ANXA8: variants seen among roughly 807,000 people sequenced by gnomAD.
The protein encoded by ANXA8 is VAC-beta.
ANXA8 carries 9 observed loss-of-function variants against 26.8 expected under a neutral mutation model. The ratio of observed to expected loss-of-function variants is 0.34; its 90% confidence interval spans 0.20 to 0.59. The LOEUF (loss-of-function observed/expected upper bound fraction) is 0.59, where lower values mean the gene tolerates loss of function less well. Among genes scored for constraint, ANXA8 ranks in the 20% least tolerant of loss-of-function variants. The pLI, the probability that ANXA8 is intolerant of heterozygous loss-of-function variation, is 0.84. For synonymous variants in ANXA8, 39 were observed against 94.8 expected (o/e 0.41, Z 3.42); for missense variants, 83 against 238.5 (o/e 0.35, Z 4.29).
chr10:47,468,922 G>C lies in ANXA8; in HGVS notation c.925-16C>G. ...TGGTGTCTTCCTGTGGGCAGGAGGC[G>C]CATAAGCGTGAGAAGGGGTTTGCTT... On this transcript the variant is annotated splice_polypyrimidine_tract_variant and intron_variant, in intron 11 of 11. Coordinates refer to ENST00000585281, the MANE Select transcript of ANXA8 (RefSeq NM_001040084.3). 1 of 1,609,808 alleles carries C rather than the reference G, an allele frequency of 6.2e-7. No homozygotes were observed. Among genetic ancestry groups the C allele is most frequent in the South Asian group, 1.1e-5 (1 of 90,426 alleles).
the ANXA8 span, among the ~76,000 whole-genome samples, chr10:47,735,080 G>A: frequency 2.0e-5 from 3 of 150,308 alleles, no homozygotes; most frequent in African/African-American, 7.4e-5. Context: ...AAAAACGCAT[G>A]TTCCTTGTTT....
the ANXA8 span, among the ~76,000 whole-genome samples, chr10:47,503,937 C>CAAAA: frequency 4.3e-4 from 10 of 23,436 alleles, no homozygotes; most frequent in Non-Finnish European, 4.7e-4. Context: ...GAGAGTCCAT[C>CAAAA]AAAAAAAAAA....
At chr10:47,552,446 T>G in the ANXA8 span, among the ~76,000 whole-genome samples, 2 of 151,994 alleles carry the variant, frequency 1.3e-5, no homozygotes, top group Non-Finnish European at 2.9e-5. Flanking sequence ...TAAATTTCAA[T>G]AAAAAATTTA....
chr10:47,738,872 GT>G, the ANXA8 span, among the ~76,000 whole-genome samples: 99 of 150,434 alleles, frequency 6.6e-4, no homozygotes, highest in African/African-American at 2.3e-3. Context: ...CCATCAGCCA[GT>G]TTTTTTGTTT....
chr10:47,672,414 C>T, the ANXA8 span, among the ~76,000 whole-genome samples: 1 of 151,882 alleles, frequency 6.6e-6, no homozygotes, highest in Admixed American at 6.6e-5. Flanking sequence ...TTCAAAACTT[C>T]TTATCTCCCA....
the ANXA8 span, among the ~76,000 whole-genome samples, chr10:47,662,806 CTA>C: frequency 1.1e-5 from 1 of 94,468 alleles, no homozygotes; most frequent in Non-Finnish European, 2.1e-5. Flanking sequence ...GTAGATATAA[CTA>C]ATTGTATTTA....
chr10:47,950,844 T>C, the ANXA8 span, among the ~76,000 whole-genome samples: 2 of 150,960 alleles, frequency 1.3e-5, no homozygotes, highest in African/African-American at 4.9e-5. Flanking sequence ...TTTATAACTT[T>C]AAATGATTTT....
At chr10:47,743,293 TAC>T in the ANXA8 span, among the ~76,000 whole-genome samples, 112 of 64,812 alleles carry the variant, frequency 1.7e-3, 1 homozygote, top group East Asian at 8.2e-3. Flanking sequence ...CATATATATA[TAC>T]ACATATATAT....
At chr10:47,534,738 T>C in the ANXA8 span, among the ~76,000 whole-genome samples, 3 of 94,862 alleles carry the variant, frequency 3.2e-5, 1 homozygote, top group Non-Finnish European at 6.1e-5. Flanking sequence ...CACAGCAACC[T>C]CCACCTCCCA....
chr10:47,721,591 G>A, the ANXA8 span, among the ~76,000 whole-genome samples: 351 of 131,936 alleles, frequency 2.7e-3, 21 homozygotes, highest in African/African-American at 9.4e-3. Flanking sequence ...GAGTGCACTG[G>A]TGCGATCTCA....
chr10:47,980,439 A>G, the ANXA8 span, among the ~76,000 whole-genome samples: 1 of 151,558 alleles, frequency 6.6e-6, no homozygotes, highest in East Asian at 1.9e-4. Flanking sequence ...AATAAATAAA[A>G]CGGAATAGAA....
At chr10:47,590,657 T>G in the ANXA8 span, among the ~76,000 whole-genome samples, 1 of 145,964 alleles carries the variant, frequency 6.9e-6, no homozygotes, top group Non-Finnish European at 1.5e-5. Flanking sequence ...TAGAGACCAC[T>G]CTAGTAACTG....
the ANXA8 span, among the ~76,000 whole-genome samples, chr10:47,644,358 C>T: frequency 2.6e-5 from 4 of 151,402 alleles, no homozygotes; most frequent in South Asian, 8.3e-4. Flanking sequence ...GGGAAAGAGG[C>T]TAAGATTTTA....
chr10:47,559,169 T>TTTTTTTTTTTTTTTTTTTTTG, the ANXA8 span, among the ~76,000 whole-genome samples: 1 of 138,158 alleles, frequency 7.2e-6, no homozygotes, highest in Non-Finnish European at 1.5e-5. Flanking sequence ...TTTTTTTTTT[T>TTTTTTTTTTTTTTTTTTTTTG]GAGGCGGAGT....
chr10:47,957,404 G>C, the ANXA8 span, among the ~76,000 whole-genome samples: 1 of 150,542 alleles, frequency 6.6e-6, no homozygotes, highest in Non-Finnish European at 1.5e-5. Flanking sequence ...CTGTACTGGT[G>C]ACTGGGCTGG....
chr10:47,636,813 G>C, the ANXA8 span, among the ~76,000 whole-genome samples: 7 of 151,722 alleles, frequency 4.6e-5, no homozygotes, highest in African/African-American at 1.7e-4. Context: ...ACTGACTGTG[G>C]GTTTCCAGTT....
the ANXA8 span, among the ~76,000 whole-genome samples, chr10:47,947,598 TAGTG>T: frequency 9.9e-3 from 1,483 of 150,486 alleles, 21 homozygotes; most frequent in Non-Finnish European, 0.016. Flanking sequence ...GTTCTTGTGA[TAGTG>T]AGTGAGTTCT....
the ANXA8 span, among the ~76,000 whole-genome samples, chr10:47,520,943 GAC>G: frequency 2.6e-5 from 3 of 116,054 alleles, no homozygotes; most frequent in Non-Finnish European, 5.0e-5. Flanking sequence ...AGTTTTAAAA[GAC>G]AGTCTATTTT....
At chr10:47,515,611 A>G in the ANXA8 span, among the ~76,000 whole-genome samples, 1 of 110,948 alleles carries the variant, frequency 9.0e-6, no homozygotes, top group African/African-American at 3.4e-5. Context: ...ATCAAACCTG[A>G]GAATTTCTGG....
Sources: allele counts gnomAD v4.1 joint callset (sites outside exome capture counted in the v4.1 genomes callset), GRCh38; gene constraint gnomAD v4.1.1; transcripts MANE v1.5; gene names NCBI Gene and HGNC (gene_info 2026-07-23, HGNC 2026-07-21).